Variants in ADAMTSL1 observed in about 807,000 individuals in gnomAD.
The protein encoded by ADAMTSL1 is ADAMTS-like protein 1.
ADAMTSL1 carries 126 observed loss-of-function variants against 201.8 expected under a neutral mutation model. The ratio of observed to expected loss-of-function variants is 0.62; its 90% CI spans 0.54 to 0.72. ADAMTSL1 has a LOEUF of 0.72. Ranked by LOEUF, ADAMTSL1 falls within the 30% of genes least tolerant of loss-of-function variation. The pLI is 0.00. For missense variants in ADAMTSL1, 2,679 were observed against 2,277.8 expected, an observed-to-expected ratio of 1.18 and a Z score of -3.59; for synonymous variants, 1,121 against 903.4, an observed-to-expected ratio of 1.24 and a Z score of -4.32.
chr9:18,307,650 C>T (rs1456790201), intron 2 of ADAMTSL1, among the ~76,000 whole-genome samples: 1 of 152,022 alleles, frequency 6.6e-6, no homozygotes, highest in Non-Finnish European at 1.5e-5. Context: ...GCTAACTATC[C>T]TAAATATATA....
At chr9:18,697,076 G>T (rs1322200340) in intron 13 of ADAMTSL1, among the ~76,000 whole-genome samples, 1 of 151,694 alleles carries the variant, frequency 6.6e-6, no homozygotes, top group East Asian at 2.0e-4. Flanking sequence ...TAGAGACGAG[G>T]TTTCACCATG....
At chr9:18,885,013 C>T (rs758515211) in intron 23 of ADAMTSL1, among the ~76,000 whole-genome samples, 9 of 152,082 alleles carry the variant, frequency 5.9e-5, no homozygotes, top group Non-Finnish European at 7.4e-5. Context: ...TCTCCTAATC[C>T]GTAAACATGA....
chr9:17,914,208 G>T (rs1451835184), intron 1 of ADAMTSL1, among the ~76,000 whole-genome samples: 1 of 152,102 alleles, frequency 6.6e-6, no homozygotes, highest in Non-Finnish European at 1.5e-5. Flanking sequence ...GCCTGGCGGA[G>T]ACACAACCAA....
intron 15 of ADAMTSL1, among the ~76,000 whole-genome samples, chr9:18,731,868 A>G (rs1306725015): frequency 1.3e-5 from 2 of 152,104 alleles, no homozygotes; most frequent in African/African-American, 4.8e-5. Flanking sequence ...TACCAAGAGG[A>G]TGATACTAAA....
rs543604612 is a variant in ADAMTSL1 at position 18,648,051 on chromosome 9, C to G, written c.834+8640C>G. On this transcript the variant is annotated intron_variant, in intron 7 of 28. Coordinates refer to ENST00000380548, the MANE Select transcript of ADAMTSL1 (RefSeq NM_001040272.6). ...CTCTTTGTAGGTCACTCAGGACTTG[C>G]TTTATGAATCTGGGTGCTCCTGTAT... Among the ~76,000 whole-genome samples the G allele has an allele frequency of 7.5e-3, 1,107 of 148,218 alleles. 18 individuals carry two copies. Among genetic ancestry groups the G allele is most frequent in the African/African-American group, 0.026 (1,040 of 40,532 alleles).
intron 4 of ADAMTSL1, among the ~76,000 whole-genome samples, chr9:18,613,650 A>G (rs1039611881): frequency 6.6e-6 from 1 of 152,186 alleles, no homozygotes; most frequent in Non-Finnish European, 1.5e-5. Context: ...CAAATACTGC[A>G]TGTTATCACT....
chr9:18,851,270 G>A (rs940773223), intron 23 of ADAMTSL1, among the ~76,000 whole-genome samples: 4 of 151,938 alleles, frequency 2.6e-5, no homozygotes, highest in African/African-American at 9.7e-5. Context: ...CAGAAGCAAT[G>A]GTGAGAAAGC....
At chr9:18,184,238 A>G (rs769194873) in intron 2 of ADAMTSL1, among the ~76,000 whole-genome samples, 3 of 152,176 alleles carry the variant, frequency 2.0e-5, no homozygotes, top group Non-Finnish European at 2.9e-5. Context: ...TATGCACACT[A>G]AATACTTTAC....
intron 23 of ADAMTSL1, 25 bp from the exon 24 acceptor site, chr9:18,887,806 C>T (rs185109127): frequency 6.3e-7 from 1 of 1,598,306 alleles, no homozygotes; most frequent in South Asian, 1.1e-5. Flanking sequence ...TTTACTAAGG[C>T]TTACTTCTTT....
intron 2 of ADAMTSL1, among the ~76,000 whole-genome samples, chr9:18,211,092 C>T (rs547853479): frequency 6.6e-6 from 1 of 152,116 alleles, no homozygotes; most frequent in Non-Finnish European, 1.5e-5. Context: ...ACCTCTCTAA[C>T]CCTGGAGCAC....
At chr9:18,637,472 G>A (rs1483132896) in intron 6 of ADAMTSL1, among the ~76,000 whole-genome samples, 1 of 152,110 alleles carries the variant, frequency 6.6e-6, no homozygotes, top group Non-Finnish European at 1.5e-5. Flanking sequence ...AGATTTAAGA[G>A]GGAAATTTAT....
At chr9:18,157,658 T>C (rs978362283) in intron 1 of ADAMTSL1, among the ~76,000 whole-genome samples, 2 of 152,126 alleles carry the variant, frequency 1.3e-5, no homozygotes, top group South Asian at 4.1e-4. Context: ...ATCTTTACAA[T>C]CCTTAGAAAT....
intron 1 of ADAMTSL1, among the ~76,000 whole-genome samples, chr9:17,972,033 T>C (rs1017165944): frequency 2.1e-4 from 32 of 151,960 alleles, no homozygotes. Context: ...TTTTGATATA[T>C]GTATACATTG....
At chr9:18,514,555 C>A (rs973318663) in intron 2 of ADAMTSL1, among the ~76,000 whole-genome samples, 1 of 152,060 alleles carries the variant, frequency 6.6e-6, no homozygotes, top group African/African-American at 2.4e-5. Flanking sequence ...TGGTCTCGAT[C>A]TCCTGACCTC....
At chr9:18,871,083 A>G (rs1827847907) in intron 23 of ADAMTSL1, among the ~76,000 whole-genome samples, 1 of 152,216 alleles carries the variant, frequency 6.6e-6, no homozygotes, top group Non-Finnish European at 1.5e-5. Context: ...TGTCCATGGC[A>G]TTAAATGTAA....
intron 2 of ADAMTSL1, among the ~76,000 whole-genome samples, chr9:18,315,517 T>A (rs1204230920): frequency 6.6e-6 from 1 of 152,058 alleles, no homozygotes; most frequent in Non-Finnish European, 1.5e-5. Flanking sequence ...CCAGCAAGAA[T>A]TAGAGCGTGG....
intron 1 of ADAMTSL1, among the ~76,000 whole-genome samples, chr9:18,048,892 C>CT (rs1237523118): frequency 6.6e-6 from 1 of 152,122 alleles, no homozygotes; most frequent in East Asian, 1.9e-4. Flanking sequence ...CAGAAATGTA[C>CT]TTTTTGACAG....
At chr9:18,075,626 C>T (rs1823186165) in intron 1 of ADAMTSL1, among the ~76,000 whole-genome samples, 1 of 152,164 alleles carries the variant, frequency 6.6e-6, no homozygotes, top group Non-Finnish European at 1.5e-5. Flanking sequence ...AGAAGAAAAA[C>T]AGTTTCATTT....
chr9:18,228,836 T>A (rs1305714063), intron 2 of ADAMTSL1, among the ~76,000 whole-genome samples: 6 of 141,466 alleles, frequency 4.2e-5, no homozygotes, highest in Admixed American at 3.4e-4. Context: ...GATTCAGAGT[T>A]TTTTTGTTTT....
Sources: allele counts gnomAD v4.1 joint callset (sites outside exome capture counted in the v4.1 genomes callset), GRCh38; gene constraint gnomAD v4.1.1; transcripts MANE v1.5; gene names NCBI Gene and HGNC (gene_info 2026-07-23, HGNC 2026-07-21).